The following LENG8 variants were observed in gnomAD, a reference collection of about 807,000 sequenced individuals.
LENG8 encodes the protein leukocyte receptor cluster (LRC) member 8.
In LENG8, 28 loss-of-function variants were observed where a neutral mutation model predicts 102.1. The observed-to-expected ratio is 0.27, with a 90% CI of 0.20 to 0.38. LENG8 has a LOEUF of 0.38. Among genes scored for constraint, LENG8 ranks in the 10% least tolerant of loss-of-function variants. LENG8 has a pLI of 1.00. For synonymous variants in LENG8, 531 were observed against 456.7 expected (o/e 1.16, Z -2.07); for missense variants, 1,022 against 1,113.9 (o/e 0.92, Z 1.17).
At chr19:54,459,102 ATGAG>A (rs2084402613) in intron 15 of LENG8, 2 of 1,377,578 alleles carry the variant, frequency 1.5e-6, no homozygotes, top group South Asian at 3.8e-5. Flanking sequence ...GTGGGTGGGG[ATGAG>A]TTGCTTGACT....
rs1320579739 is a variant in LENG8 at position 54,456,879 on chromosome 19, C to T, written c.1689C>T (p.Arg563=). The stretch of plus-strand genomic sequence containing the variant: ...CTGACATCACCAAGCACTACCTGCG[C>T]CTCACCTGTGCCCCCGACCCGTCCA... ...TCPDITKHYL[R]LTCAPDPSTV... The change falls in exon 11 of 16, where the codon CGC becomes CGT. Residue 563 remains arginine, a synonymous_variant. Transcript: ENST00000326764. 6.2e-7 allele frequency: 1 copy of T among 1,610,200 alleles called. No individual in the cohort carries two copies. The highest frequency in any genetic ancestry group is 8.5e-7 in the Non-Finnish European group (1 of 1,179,848).
At chr19:54,459,212 C>T (rs1042977733) in intron 15 of LENG8, 10 of 1,105,308 alleles carry the variant, frequency 9.0e-6, no homozygotes, top group East Asian at 1.1e-4. Context: ...CAAGGGGATG[C>T]TCTTGGCATC....
intron 7 of LENG8, 81 bp from the exon 8 acceptor site, chr19:54,455,283 T>C: frequency 1.3e-6 from 2 of 1,543,350 alleles, no homozygotes; most frequent in South Asian, 1.1e-5. Flanking sequence ...CGTCCCGCTG[T>C]GTCAGCTCAG....
chr19:54,452,352 CG>C, intron 3 of LENG8, 85 bp downstream of exon 3: 1 of 1,235,210 alleles, frequency 8.1e-7, no homozygotes, highest in Non-Finnish European at 1.1e-6. Flanking sequence ...ATCATTCAGA[CG>C]GGGTGCTCTG....
intron 1 of LENG8, among the ~76,000 whole-genome samples, chr19:54,450,638 T>A (rs2083919177): frequency 6.7e-6 from 1 of 150,246 alleles, no homozygotes; most frequent in Non-Finnish European, 1.5e-5. Flanking sequence ...TTTTTTTTTT[T>A]TGAGACAGAG....
intron 3 of LENG8, 40 bp downstream of exon 3, chr19:54,452,307 GGTT>G: frequency 6.5e-7 from 1 of 1,542,512 alleles, no homozygotes; most frequent in African/African-American, 1.4e-5. Flanking sequence ...CTGAGCCAGA[GGTT>G]GTGGGAGGGA....
chr19:54,458,951 C>T (rs1195925960), intron 15 of LENG8: 2 of 1,491,160 alleles, frequency 1.3e-6, no homozygotes, highest in Non-Finnish European at 1.8e-6. Context: ...AGGCCCAGTC[C>T]CACTCAGCTC....
At position 54,455,467 on chromosome 19, in the gene LENG8, G is replaced by A; in HGVS notation, c.925G>A (p.Asp309Asn). Residue 309 changes from aspartate (D) to asparagine (N), a missense_variant, in exon 8 of 16, where the codon GAC becomes AAC. Transcript: ENST00000326764. ...RCFTACESEE[D>N]KDRTEKLLKE... The stretch of plus-strand genomic sequence containing the variant: ...CTTCACCGCCTGTGAGTCGGAGGAG[G>A]ACAAGGACCGCACGGAAAAGCTGCT... 1 of 1,614,186 alleles carries A rather than the reference G, an allele frequency of 6.2e-7. No individual in the cohort carries two copies. The highest frequency in any genetic ancestry group is 8.5e-7 in the Non-Finnish European group (1 of 1,180,050).
In LENG8 at chr19:54,451,386, AG is replaced by A; in HGVS notation, c.38+5del. On this transcript the variant is annotated splice_donor_5th_base_variant and intron_variant, in intron 2 of 15. Coordinates refer to ENST00000326764, the MANE Select transcript of LENG8 (RefSeq NM_052925.4). ...GTGATCAACGTAGCACAGATTGGTT[AG>A]TGAGGCGAGAGGGATGGAGGCCAGT... The A allele has an allele frequency of 6.2e-7, 1 of 1,614,112 alleles. No individual in the cohort carries two copies. The highest frequency in any genetic ancestry group is 1.3e-5 in the African/African-American group (1 of 75,052).
Position 54,461,889 on chromosome 19 carries a change from A to G in LENG8, c.*961A>G, listed in dbSNP as rs1213199341. On this transcript the variant is annotated 3_prime_UTR_variant, in exon 16 of 16. Transcript: ENST00000326764. The stretch of plus-strand genomic sequence containing the variant: ...TGGACTGTCAGGCTGCTTTTTTTCC[A>G]GATGTTCCTCCTCTGCCTCCCCTTC... The G allele has an allele frequency of 1.3e-6, 1 of 753,822 alleles. No individual in the cohort carries two copies. The highest frequency in any genetic ancestry group is 1.8e-5 in the African/African-American group (1 of 56,248). The allele number at this position is 753,822 out of a possible 1,614,324, so 46.7% of individuals were successfully genotyped here. A position where few individuals can be genotyped will look rare whatever the true frequency, so the allele number is the denominator to read the frequency against.
rs761941097 is a variant in LENG8, at chr19:54,456,840, C to T, written c.1650C>T (p.Ile550=). ...GADPDWQELQ[I]VGTCPDITKH... ...ACCCTGACTGGCAGGAGCTGCAGAT[C>T]GTGGGCACCTGCCCTGACATCACCA... Residue 550 remains isoleucine, a synonymous_variant, in exon 11 of 16, where the codon ATC becomes ATT. Transcript: ENST00000326764. 5.5e-5 allele frequency: 88 copies of T among 1,611,034 alleles called. No individual in the cohort carries two copies. Among genetic ancestry groups the T allele is most frequent in the Middle Eastern group, 1.8e-4 (1 of 5,572 alleles).
intron 1 of LENG8, 36 bp from the exon 2 acceptor site, chr19:54,451,254 C>A: frequency 7.5e-7 from 1 of 1,338,756 alleles, no homozygotes; most frequent in Non-Finnish European, 1.1e-6. Context: ...TTTTAGCTCC[C>A]CCTTAAGTCT....
intron 5 of LENG8, among the ~76,000 whole-genome samples, chr19:54,454,196 GC>G: frequency 6.6e-6 from 1 of 152,238 alleles, no homozygotes; most frequent in African/African-American, 2.4e-5. Context: ...ATAGCTTAGG[GC>G]CCTGGGAAGT....
At chr19:54,453,443 T>G in intron 4 of LENG8, 103 bp from the exon 5 acceptor site, 1 of 731,668 alleles carries the variant, frequency 1.4e-6, no homozygotes, top group Non-Finnish European at 2.5e-6. Context: ...GAGAAAGGGG[T>G]GAGGGATTGG....
chr19:54,451,737 G>A (rs2083970900), intron 2 of LENG8, among the ~76,000 whole-genome samples: 3 of 152,152 alleles, frequency 2.0e-5, no homozygotes, highest in Admixed American at 2.0e-4. Context: ...GTGATAACCT[G>A]CCGACTGGGG....
intron 1 of LENG8, among the ~76,000 whole-genome samples, chr19:54,450,703 C>T (rs115503321): frequency 0.036 from 5,473 of 151,170 alleles, 206 homozygotes; most frequent in African/African-American, 0.097. Flanking sequence ...GCTTACCGCC[C>T]TCCGCCTCCC....
At chr19:54,458,566 TC>T in intron 15 of LENG8, 45 bp downstream of exon 15, 1 of 1,612,106 alleles carries the variant, frequency 6.2e-7, no homozygotes, top group Non-Finnish European at 8.5e-7. Context: ...TTCCCATCCT[TC>T]CGCCTCGCAC....
intron 12 of LENG8, 21 bp downstream of exon 12, chr19:54,457,869 G>A: frequency 1.2e-6 from 2 of 1,613,222 alleles, no homozygotes; most frequent in Non-Finnish European, 1.7e-6. Flanking sequence ...CGCTGGGAGG[G>A]GCCTGGCCTC....
intron 1 of LENG8, 138 bp downstream of exon 1, chr19:54,449,448 G>GGGCAGCCACTGCGCCTGCGCACC (rs1310561851): frequency 2.6e-5 from 4 of 152,140 alleles, no homozygotes; most frequent in Admixed American, 6.5e-5. Flanking sequence ...GGCGGCGCAG[G>GGGCAGCCACTGCGCCTGCGCACC]GGCAGCCACT....
Sources: gnomAD v4.1 joint callset for allele counts (sites outside exome capture counted in the v4.1 genomes callset) on GRCh38, gnomAD v4.1.1 for gene constraint, MANE v1.5 for transcripts, NCBI Gene and HGNC (gene_info 2026-07-23, HGNC 2026-07-21) for gene names.